Variants in NUAK1 observed in about 807,000 individuals in gnomAD.
The protein encoded by NUAK1 is NUAK family kinase 1.
In NUAK1, 26 loss-of-function variants were observed where a neutral mutation model predicts 56.9. That is an observed-to-expected ratio of 0.46 (90% CI 0.33 to 0.63). The LOEUF is 0.63. NUAK1 is among the 30% of genes least tolerant of loss of function. NUAK1 has a pLI of 0.02. For missense variants in NUAK1, 727 were observed against 876.1 expected, an observed-to-expected ratio of 0.83 and a Z score of 2.15; for synonymous variants, 337 against 336.0, an observed-to-expected ratio of 1.00 and a Z score of -0.03.
chr12:106,089,646 G>T (rs537266755), intron 2 of NUAK1, among the ~76,000 whole-genome samples: 1 of 152,088 alleles, frequency 6.6e-6, no homozygotes, highest in African/African-American at 2.4e-5. Flanking sequence ...AAAATTAGCC[G>T]GGTGTGGTGG....
intron 4 of NUAK1, among the ~76,000 whole-genome samples, chr12:106,078,274 C>T (rs763550580): frequency 1.3e-5 from 2 of 152,224 alleles, no homozygotes; most frequent in Non-Finnish European, 2.9e-5. Context: ...ATGCCAGGCA[C>T]GGTTCTGTGA....
intron 1 of NUAK1, among the ~76,000 whole-genome samples, chr12:106,118,807 T>C (rs2032946237): frequency 6.6e-6 from 1 of 152,242 alleles, no homozygotes; most frequent in Admixed American, 6.5e-5. Flanking sequence ...AATGGACTCA[T>C]ACAGTTCAGC....
At chr12:106,079,946 A>T (rs997457565) in intron 4 of NUAK1, among the ~76,000 whole-genome samples, 5 of 152,234 alleles carry the variant, frequency 3.3e-5, no homozygotes, top group African/African-American at 1.2e-4. Context: ...GACCTTAATG[A>T]ATATTTCTGA....
chr12:106,084,689 A>G (rs1450577098), intron 3 of NUAK1, among the ~76,000 whole-genome samples: 1 of 148,808 alleles, frequency 6.7e-6, no homozygotes, highest in Non-Finnish European at 1.5e-5. Context: ...TCATCAGCCA[A>G]TAGGCTGTCG....
At chr12:106,136,670 T>C (rs902856993) in intron 1 of NUAK1, among the ~76,000 whole-genome samples, 5 of 152,204 alleles carry the variant, frequency 3.3e-5, no homozygotes, top group Admixed American at 6.5e-5. Flanking sequence ...CAACCCCTCA[T>C]AGCCTCACAT....
At chr12:106,098,424 A>G (rs1369061378) in intron 2 of NUAK1, among the ~76,000 whole-genome samples, 3 of 152,190 alleles carry the variant, frequency 2.0e-5, no homozygotes, top group Non-Finnish European at 4.4e-5. Flanking sequence ...TTTCTTTTCA[A>G]GTTGGAGAAA....
intron 2 of NUAK1, among the ~76,000 whole-genome samples, chr12:106,098,805 G>A (rs55748925): frequency 0.018 from 2,722 of 152,270 alleles, 61 homozygotes; most frequent in Admixed American, 0.03. Context: ...GAGACAGTGC[G>A]CCTTTGATGT....
intron 2 of NUAK1, among the ~76,000 whole-genome samples, chr12:106,096,989 A>G (rs113849366): frequency 3.3e-3 from 504 of 152,168 alleles, no homozygotes; most frequent in African/African-American, 0.012. Context: ...CTCTTCTCCA[A>G]TCTCCCGACA....
chr12:106,104,012 T>C (rs898014500), intron 2 of NUAK1: 2 of 152,094 alleles, frequency 1.3e-5, no homozygotes, highest in Non-Finnish European at 2.9e-5. Flanking sequence ...TATAGCAGCA[T>C]GAGAACAAAC....
At chr12:106,107,910 T>C (rs1176165742) in intron 1 of NUAK1, among the ~76,000 whole-genome samples, 1 of 152,228 alleles carries the variant, frequency 6.6e-6, no homozygotes, top group Non-Finnish European at 1.5e-5. Flanking sequence ...CTTACCCCAG[T>C]TGTGATTAAA....
intron 1 of NUAK1, among the ~76,000 whole-genome samples, chr12:106,126,734 A>G (rs2913132): frequency 0.58 from 88,157 of 151,978 alleles, 25,700 homozygotes; most frequent in African/African-American, 0.63. Context: ...TCTTTTCCTC[A>G]TCCCTGGAAT....
chr12:106,100,511 G>A (rs1462036745), intron 2 of NUAK1, among the ~76,000 whole-genome samples: 3 of 152,190 alleles, frequency 2.0e-5, no homozygotes, highest in South Asian at 2.1e-4. Context: ...GGCTCAGTCC[G>A]AAAGGGACCG....
chr12:106,077,806 A>T (rs2032479044), intron 4 of NUAK1, among the ~76,000 whole-genome samples: 1 of 152,228 alleles, frequency 6.6e-6, no homozygotes, highest in Non-Finnish European at 1.5e-5. Flanking sequence ...CACATTAGCC[A>T]TTCTAAGCCT....
intron 1 of NUAK1, among the ~76,000 whole-genome samples, chr12:106,132,595 A>T (rs2033090131): frequency 6.6e-6 from 1 of 152,054 alleles, no homozygotes; most frequent in Admixed American, 6.6e-5. Flanking sequence ...CCCCCTAGGG[A>T]CTCCAGGGTC....
chr12:106,106,229 T>A, intron 2 of NUAK1, 176 bp downstream of exon 2: 1 of 508,644 alleles, frequency 2.0e-6, no homozygotes, highest in Non-Finnish European at 3.4e-6. Context: ...GCTGCACTCA[T>A]GTGTCTGGTT....
rs960012986 is a variant in NUAK1, at chr12:106,067,949, C to T, written c.839G>A (p.Arg280Gln). Residue 280 changes from arginine to glutamine, a missense_variant, in exon 7 of 7, where the codon CGA (arginine) becomes CAA (glutamine). Physicochemically the swap from Arg to Gln is conservative, Grantham distance 43. Coordinates refer to ENST00000261402, the MANE Select transcript of NUAK1 (RefSeq NM_014840.3). The surrounding 1 kb of genome is among the most constrained non-coding windows in gnomAD (Gnocchi z 6.0). The part of the protein sequence containing the change: ...YREPTQPSDA[R>Q]GLIRWMLMVN... ...CATCAGCATCCACCGTATGAGTCCT[C>T]GAGCATCTAAGGGACAAGGGACAAA... The T allele has an allele frequency of 4.4e-6, 7 of 1,603,212 alleles. No individual in the cohort carries two copies. The highest frequency in any genetic ancestry group is 3.4e-5 in the Admixed American group (2 of 59,436).
In NUAK1 at chr12:106,067,961, G is replaced by A. The variant is rs773754809; in HGVS notation, c.833-6C>T. 5.7e-6 allele frequency: 9 copies of A among 1,590,740 alleles called. No individual in the cohort carries two copies. Among genetic ancestry groups the A allele is most frequent in the Non-Finnish European group, 7.7e-6 (9 of 1,166,660 alleles). ...CCGTATGAGTCCTCGAGCATCTAAG[G>A]GACAAGGGACAAAAAGAATCGGGCA... On this transcript the variant is annotated splice_polypyrimidine_tract_variant and splice_region_variant and intron_variant, in intron 6 of 6. Transcript: ENST00000261402. The surrounding 1 kb of genome is among the most constrained non-coding windows in gnomAD (Gnocchi z 6.0).
intron 2 of NUAK1, 21 bp from the exon 3 acceptor site, chr12:106,086,906 T>C: frequency 6.2e-7 from 1 of 1,603,598 alleles, no homozygotes; most frequent in South Asian, 1.1e-5. Context: ...AAAACAGCAA[T>C]ACACAAACAC....
At chr12:106,122,933 C>A (rs1199705131) in intron 1 of NUAK1, among the ~76,000 whole-genome samples, 2 of 152,228 alleles carry the variant, frequency 1.3e-5, no homozygotes, top group Non-Finnish European at 2.9e-5. Flanking sequence ...TGTTTGTTTG[C>A]TCATCACTAT....
Sources: allele counts gnomAD v4.1 joint callset (sites outside exome capture counted in the v4.1 genomes callset), GRCh38; gene constraint gnomAD v4.1.1; non-coding constraint Gnocchi (gnomAD v3.1); transcripts MANE v1.5; gene names NCBI Gene and HGNC (gene_info 2026-07-23, HGNC 2026-07-21).